ZNF587B: variants seen among roughly 807,000 people sequenced by gnomAD.
ZNF587B encodes zinc finger protein 587B.
ZNF587B carries 6 observed loss-of-function variants against 7.2 expected under a neutral mutation model. That is an observed-to-expected ratio of 0.83 (90% CI 0.46 to 1.65). The LOEUF (loss-of-function observed/expected upper bound fraction) is 1.65. Among genes scored for constraint, ZNF587B ranks in the 40% most tolerant of loss-of-function variants. The probability of loss-of-function intolerance (pLI) is 0.01; values close to 1 mark genes in which losing one functional copy is unlikely to be tolerated. For missense variants in ZNF587B, 749 were observed against 761.0 expected, an observed-to-expected ratio of 0.98 and a Z score of 0.19; for synonymous variants, 274 against 254.3, an observed-to-expected ratio of 1.08 and a Z score of -0.74.
Position 57,831,785 on chromosome 19 carries a change from A to G in ZNF587B, c.36+1221A>G, listed in dbSNP as rs868628218. The stretch of plus-strand genomic sequence containing the variant: ...AGTGGCGTGATCTCGGCTCACTGCA[A>G]CCTCCGCCTGCCGGGTTCAAGCGAT... On this transcript the variant is annotated intron_variant, in intron 1 of 2. Coordinates refer to ENST00000594901, the MANE Select transcript of ZNF587B (RefSeq NM_001376223.1). 3.1e-4 allele frequency among the ~76,000 whole-genome samples: 47 copies of G among 150,292 alleles called. No homozygotes were observed. In the Middle Eastern group the frequency reaches 0.01, roughly 33 times the overall value.
intron 1 of ZNF587B, among the ~76,000 whole-genome samples, chr19:57,835,719 A>T (rs1283426805): frequency 7.1e-6 from 1 of 141,176 alleles, no homozygotes; most frequent in Non-Finnish European, 1.5e-5. Context: ...AGCTGAGATG[A>T]GCAAGTTGGG....
Position 57,830,453 on chromosome 19 carries a change from G to A in ZNF587B, c.-76G>A, listed in dbSNP as rs988815404. On this transcript the variant is annotated 5_prime_UTR_variant, in exon 1 of 3. Transcript: ENST00000594901. ...CCAAGCGTGACCCACCCCTGGGCCA[G>A]GATAGGGACCGTCATGCCCATATCT... 1.5e-5 allele frequency: 23 copies of A among 1,512,940 alleles called. No individual in the cohort carries two copies. The highest frequency in any genetic ancestry group is 2.1e-5 in the Non-Finnish European group (23 of 1,118,852). The allele number at this position is 1,512,940 out of a possible 1,614,324, so 93.7% of individuals were successfully genotyped here.
At position 57,842,867 on chromosome 19, in the gene ZNF587B, G is replaced by T. The variant is rs1392378310; in HGVS notation, c.*291G>T. The T allele has an allele frequency of 1.5e-5, 15 of 985,424 alleles. No individual in the cohort carries two copies. The highest frequency in any genetic ancestry group is 1.8e-5 in the Non-Finnish European group (15 of 829,938). 61.0% of individuals were successfully genotyped at this position (985,424 alleles called of 1,614,324 possible). ...TGGCTTCAAAACTCACAGGAGAGCT[G>T]TCACTACGGAAATGCCTTTTGAATG... is the stretch of plus-strand genomic sequence containing the variant. On this transcript the variant is annotated 3_prime_UTR_variant, in exon 3 of 3. Transcript: ENST00000594901.
intron 2 of ZNF587B, among the ~76,000 whole-genome samples, 198 bp from the exon 3 acceptor site, chr19:57,840,640 A>T (rs4014639): frequency 1.3e-4 from 20 of 152,122 alleles, no homozygotes; most frequent in African/African-American, 2.9e-4. Context: ...GTGTCCTTTA[A>T]CTTATGAGGC....
chr19:57,841,302 G>A lies in ZNF587B; in HGVS notation c.628G>A (p.Gly210Arg). Reference sequence around the variant, plus strand: ...TGAGTGTGTGTCTCCCTTTCAGTGTGGGGGAGCTCACTATAGCCATGGAGA... The same window carrying A: ...TGAGTGTGTGTCTCCCTTTCAGTGTAGGGGAGCTCACTATAGCCATGGAGA... ...KTECVSPFQC[G>R]GAHYSHGDSM... Residue 210 changes from glycine to arginine, a missense_variant, in exon 3 of 3, where the codon GGG becomes AGG. Transcript: ENST00000594901. 3.7e-6 allele frequency: 6 copies of A among 1,613,756 alleles called. No homozygotes were observed. The highest frequency in any genetic ancestry group is 5.1e-6 in the Non-Finnish European group (6 of 1,179,838).
Position 57,830,454 on chromosome 19 carries a change from G to A in ZNF587B, c.-75G>A. On this transcript the variant is annotated 5_prime_UTR_variant, in exon 1 of 3. Coordinates refer to ENST00000594901, the MANE Select transcript of ZNF587B (RefSeq NM_001376223.1). ...CAAGCGTGACCCACCCCTGGGCCAG[G>A]ATAGGGACCGTCATGCCCATATCTC... is the stretch of plus-strand genomic sequence containing the variant. 6.6e-7 allele frequency: 1 copy of A among 1,516,232 alleles called. No individual in the cohort carries two copies. The highest frequency in any genetic ancestry group is 8.9e-7 in the Non-Finnish European group (1 of 1,121,684). 93.9% of individuals were successfully genotyped at this position (1,516,232 alleles called of 1,614,324 possible). A position where few individuals can be genotyped will look rare whatever the true frequency, so the allele number is the denominator to read the frequency against.
rs764560474 is a variant in ZNF587B, at chr19:57,842,574, T to C, written c.1900T>C (p.Ter634ArgextTer18). The change falls in exon 3 of 3, where the codon TGA becomes CGA. Residue 634 changes from the stop codon to arginine (R), a stop_lost. Coordinates refer to ENST00000594901, the MANE Select transcript of ZNF587B (RefSeq NM_001376223.1). ...GAGAGTTCATGAAAGAAAGGCCTTA[T>C]GAGTGCAGAGAATGAGTCCAGTCTC... ...HQRVHERKAL* is the reference protein window; with the variant it reads ...HQRVHERKALR 534 of 1,511,982 alleles carry C rather than the reference T, an allele frequency of 3.5e-4. No individual in the cohort carries two copies. Among genetic ancestry groups the C allele is most frequent in the Non-Finnish European group, 4.4e-4 (500 of 1,137,236 alleles). 93.7% of individuals were successfully genotyped at this position (1,511,982 alleles called of 1,614,324 possible).
At position 57,844,406 on chromosome 19, in the gene ZNF587B, C is replaced by A; in HGVS notation, c.*1830C>A. 2 of 282,778 alleles carry A rather than the reference C, an allele frequency of 7.1e-6. No homozygotes were observed. Among genetic ancestry groups the A allele is most frequent in the South Asian group, 2.7e-5 (1 of 37,722 alleles). The allele number at this position is 282,778 out of a possible 1,614,324, so 17.5% of individuals were successfully genotyped here. A position where few individuals can be genotyped will look rare whatever the true frequency, so the allele number is the denominator to read the frequency against. On this transcript the variant is annotated 3_prime_UTR_variant, in exon 3 of 3. Transcript: ENST00000594901. ...GCCGCAGCTACTCAGGAGGCTGAGG[C>A]AGGAAAATTGCTTGAACCCCGGGAG...
At chr19:57,830,604 A>G (rs1220485615) in intron 1 of ZNF587B, 40 bp downstream of exon 1, 3 of 1,547,066 alleles carry the variant, frequency 1.9e-6, no homozygotes, top group East Asian at 2.4e-5. Flanking sequence ...TCACCTCATC[A>G]TCACCCAAAA....
At position 57,842,942 on chromosome 19, in the gene ZNF587B, C is replaced by G. The variant is rs1988914378; in HGVS notation, c.*366C>G. 2 of 985,238 alleles carry G rather than the reference C, an allele frequency of 2.0e-6. No homozygotes were observed. The highest frequency in any genetic ancestry group is 3.5e-5 in the African/African-American group (2 of 57,212). The allele number at this position is 985,238 out of a possible 1,614,324, so 61.0% of individuals were successfully genotyped here. ...CCTTCTGTCATTGAATCCTAGAACA[C>G]TGAGATGAGAAAAACACTGTAGATG... is the stretch of plus-strand genomic sequence containing the variant. On this transcript the variant is annotated 3_prime_UTR_variant, in exon 3 of 3. Coordinates refer to ENST00000594901, the MANE Select transcript of ZNF587B (RefSeq NM_001376223.1).
In ZNF587B at chr19:57,840,854, G is replaced by A. The variant is rs1988812961; in HGVS notation, c.180G>A (p.Val60=). The A allele has an allele frequency of 6.5e-7, 1 of 1,539,628 alleles. No individual in the cohort carries two copies. Among genetic ancestry groups the A allele is most frequent in the Non-Finnish European group, 8.7e-7 (1 of 1,147,644 alleles). ...TGCTTTCAGGTTGTTGGTGTGGAGT[G>A]GAAGATGAGGCGGCACCTTCTAAGC... is the stretch of plus-strand genomic sequence containing the variant. The part of the protein sequence containing the change: ...LMSSLGCWCG[V]EDEAAPSKQS... Residue 60 remains valine, a synonymous_variant, in exon 3 of 3, where the codon GTG becomes GTA. Transcript: ENST00000594901.
At position 57,842,508 on chromosome 19, in the gene ZNF587B, G is replaced by T. The variant is rs1355606580; in HGVS notation, c.1834G>T (p.Glu612Ter). 8 of 1,561,778 alleles carry T rather than the reference G, an allele frequency of 5.1e-6. No homozygotes were observed. The highest frequency in any genetic ancestry group is 6.9e-6 in the Non-Finnish European group (8 of 1,161,188). The change falls in exon 3 of 3, where the codon GAA becomes TAA. Residue 612 changes from glutamate (E) to a stop codon, truncating the protein, a stop_gained. Transcript: ENST00000594901. LOFTEE classifies it low-confidence loss of function (END_TRUNC). Reference protein sequence around the residue: ...GEKPYGCSECEKKFRKSSSLR... With the variant: ...GEKPYGCSEC ...AAAGCCTTATGGGTGTAGTGAATGT[G>T]AAAAAAAATTTAGGAAAAGCTCTTC...
chr19:57,834,825 A>G (rs1332689992), intron 1 of ZNF587B, among the ~76,000 whole-genome samples: 1 of 130,088 alleles, frequency 7.7e-6, no homozygotes, highest in African/African-American at 2.8e-5. Context: ...AGCCCTGGTG[A>G]CAGAGCGAGA....
chr19:57,841,357 T>C lies in ZNF587B; in HGVS notation c.683T>C (p.Ile228Thr), dbSNP rs1421643921. The change falls in exon 3 of 3, where the codon ATA (isoleucine) becomes ACA (threonine). Residue 228 changes from isoleucine (I) to threonine (T), a missense_variant. Around this residue, in one of 3 missense-constraint regions of ZNF587B, gnomAD observed 656 missense variants for 596.5 expected, o/e 1.10. Transcript: ENST00000594901. ...DSMKHFSTKH[I>T]LSQHQRLLPR... ...ATGAAACATTTTAGCACCAAACATATACTCAGTCAGCACCAGAGACTTCTC... is the reference window on the plus strand; with the variant it reads ...ATGAAACATTTTAGCACCAAACATACACTCAGTCAGCACCAGAGACTTCTC... 1.3e-6 allele frequency: 2 copies of C among 1,598,258 alleles called. No individual in the cohort carries two copies. Among genetic ancestry groups the C allele is most frequent in the Non-Finnish European group, 1.7e-6 (2 of 1,171,688 alleles).
At chr19:57,834,852 A>AC (rs898668836) in intron 1 of ZNF587B, among the ~76,000 whole-genome samples, 2 of 132,946 alleles carry the variant, frequency 1.5e-5, no homozygotes, top group African/African-American at 5.4e-5. Context: ...CTTAAAAAAA[A>AC]AAAAGAAAAA....
Position 57,843,350 on chromosome 19 carries a change from T to C in ZNF587B, c.*774T>C, listed in dbSNP as rs982152222. On this transcript the variant is annotated 3_prime_UTR_variant, in exon 3 of 3. Transcript: ENST00000594901. Reference sequence around the variant, plus strand: ...CCTTTGAGGGCACCATGTGCCCAAATTGAAAAAACTCCAGGCATGTGGCAT... The same window carrying C: ...CCTTTGAGGGCACCATGTGCCCAAACTGAAAAAACTCCAGGCATGTGGCAT... 5.2e-5 allele frequency: 51 copies of C among 985,350 alleles called. No homozygotes were observed. Among genetic ancestry groups the C allele is most frequent in the African/African-American group, 2.8e-4 (16 of 57,342 alleles). 61.0% of individuals were successfully genotyped at this position (985,350 alleles called of 1,614,324 possible). A position where few individuals can be genotyped will look rare whatever the true frequency, so the allele number is the denominator to read the frequency against.
intron 1 of ZNF587B, among the ~76,000 whole-genome samples, chr19:57,838,119 C>T (rs1032294244): frequency 2.5e-4 from 38 of 151,650 alleles, no homozygotes; most frequent in African/African-American, 8.2e-4. Flanking sequence ...CCAGCCTGGC[C>T]AACATGGTGA....
Position 57,843,058 on chromosome 19 carries a change from C to T in ZNF587B, c.*482C>T, listed in dbSNP as rs1173851601. ...TCACCCATGCTGGTGTGCAGTGCTGCGATCGTAGCTCACTGCATCCTCCGC... is the reference window on the plus strand; with the variant it reads ...TCACCCATGCTGGTGTGCAGTGCTGTGATCGTAGCTCACTGCATCCTCCGC... On this transcript the variant is annotated 3_prime_UTR_variant, in exon 3 of 3. Coordinates refer to ENST00000594901, the MANE Select transcript of ZNF587B (RefSeq NM_001376223.1). 8.2e-6 allele frequency: 7 copies of T among 855,568 alleles called. No homozygotes were observed. The highest frequency in any genetic ancestry group is 1.2e-4 in the East Asian group (1 of 8,192). 53.0% of individuals were successfully genotyped at this position (855,568 alleles called of 1,614,324 possible).
chr19:57,841,532 TCAA>T lies in ZNF587B; in HGVS notation c.861_863del (p.Gln287del). On this transcript the variant is annotated inframe_deletion, in exon 3 of 3. Transcript: ENST00000594901. The stretch of plus-strand genomic sequence containing the variant: ...CTTTTAGTCAAAAGAGCAGCCTCAT[TCAA>T]CATCAGCAATTTCACACTGGAGGAA... 1.3e-6 allele frequency: 2 copies of T among 1,582,712 alleles called. No homozygotes were observed. The highest frequency in any genetic ancestry group is 1.7e-6 in the Non-Finnish European group (2 of 1,163,744).
Sources: gnomAD v4.1 joint callset for allele counts (sites outside exome capture counted in the v4.1 genomes callset) on GRCh38, gnomAD v4.1.1 for gene constraint, gnomAD v4.1.1 regional missense constraint, MANE v1.5 for transcripts, NCBI Gene and HGNC (gene_info 2026-07-23, HGNC 2026-07-21) for gene names.